Variants in SLCO1B1 observed in about 807,000 individuals in gnomAD.
The protein encoded by SLCO1B1 is OATP-2.
SLCO1B1 carries 81 observed loss-of-function variants against 70.1 expected under a neutral mutation model. The observed-to-expected ratio is 1.16, with a 90% CI of 0.97 to 1.39. SLCO1B1 has a LOEUF of 1.39. Among genes scored for constraint, SLCO1B1 ranks in the 40% most tolerant of loss-of-function variants. The pLI is 0.00. For missense variants in SLCO1B1, 895 were observed against 799.6 expected (o/e 1.12, Z -1.44); for synonymous variants, 283 against 271.5 (o/e 1.04, Z -0.42).
intron 4 of SLCO1B1, among the ~76,000 whole-genome samples, chr12:21,176,520 AC>A (rs1487802423): frequency 1.3e-5 from 2 of 152,088 alleles, no homozygotes; most frequent in African/African-American, 4.8e-5. Flanking sequence ...CCAAGATATA[AC>A]CACTCCTAGG....
In SLCO1B1 at chr12:21,176,824, A is replaced by G. The variant is rs752011897; in HGVS notation, c.408A>G (p.Thr136=). 16 of 1,542,962 alleles carry G rather than the reference A, an allele frequency of 1.0e-5. No homozygotes were observed. The highest frequency in any genetic ancestry group is 6.8e-5 in the African/African-American group (5 of 73,496). The change falls in exon 5 of 15, where the codon ACA becomes ACG. Residue 136 remains threonine (T), a synonymous_variant. Transcript: ENST00000256958. ...ETNINSSENS[T]STLSTCLINQ... ...ATATCAATTCATCAGAAAATTCAAC[A>G]TCGACCTTATCCACTTGTTTAATTA...
intron 2 of SLCO1B1, among the ~76,000 whole-genome samples, chr12:21,160,707 T>C (rs1025726623): frequency 1.3e-5 from 2 of 151,998 alleles, no homozygotes; most frequent in Admixed American, 1.3e-4. Context: ...AAAAAGAAAC[T>C]GTCAACAGCA....
At chr12:21,238,508 T>C (rs1941616813) in intron 14 of SLCO1B1, among the ~76,000 whole-genome samples, 1 of 152,164 alleles carries the variant, frequency 6.6e-6, no homozygotes, top group Non-Finnish European at 1.5e-5. Flanking sequence ...GGCAATTTTT[T>C]TCATTACAGT....
chr12:21,186,126 T>C (rs1303988958), intron 7 of SLCO1B1, among the ~76,000 whole-genome samples: 2 of 152,092 alleles, frequency 1.3e-5, no homozygotes, highest in African/African-American at 4.8e-5. Flanking sequence ...TCTAATTTTA[T>C]TCTAACATAA....
At chr12:21,206,534 C>T (rs1455041514) in intron 11 of SLCO1B1, among the ~76,000 whole-genome samples, 1 of 151,838 alleles carries the variant, frequency 6.6e-6, no homozygotes, top group Non-Finnish European at 1.5e-5. Context: ...TTAATCAAGG[C>T]TTCATGCTCA....
chr12:21,214,806 G>C (rs1438644849), intron 11 of SLCO1B1, among the ~76,000 whole-genome samples: 1 of 152,146 alleles, frequency 6.6e-6, no homozygotes, highest in Non-Finnish European at 1.5e-5. Flanking sequence ...GCAGTATTCG[G>C]GTGGGAGTGA....
intron 11 of SLCO1B1, among the ~76,000 whole-genome samples, 173 bp from the exon 12 acceptor site, chr12:21,216,946 C>G (rs1444666969): frequency 6.6e-6 from 1 of 152,042 alleles, no homozygotes; most frequent in East Asian, 1.9e-4. Context: ...AGAAAGAAAT[C>G]CACAAAACTA....
intron 7 of SLCO1B1, among the ~76,000 whole-genome samples, chr12:21,183,752 T>A (rs1001014890): frequency 6.6e-6 from 1 of 152,168 alleles, no homozygotes; most frequent in Non-Finnish European, 1.5e-5. Context: ...TTAACCACAT[T>A]GGAATGACTA....
chr12:21,159,840 G>C (rs936560261), intron 2 of SLCO1B1, among the ~76,000 whole-genome samples: 1 of 151,790 alleles, frequency 6.6e-6, no homozygotes, highest in African/African-American at 2.4e-5. Context: ...CAGCCAAACC[G>C]AGAGCCAAAT....
chr12:21,221,598 A>G (rs2121187804), intron 12 of SLCO1B1, among the ~76,000 whole-genome samples: 1 of 152,236 alleles, frequency 6.6e-6, no homozygotes, highest in South Asian at 2.1e-4. Flanking sequence ...AATAGGGTAA[A>G]TGATACGACC....
In SLCO1B1 at chr12:21,183,009, C is replaced by T. The variant is rs576932912; in HGVS notation, c.727+3989C>T. On this transcript the variant is annotated intron_variant, in intron 7 of 14. Transcript: ENST00000256958. ...GCAAGTGTGGCACCAGTGACCAGAG[C>T]GGGAGATTGGGGGGGTGTCCCCTAT... 2.2e-4 allele frequency among the ~76,000 whole-genome samples: 33 copies of T among 152,262 alleles called. 1 individual carries two copies. The highest frequency in any genetic ancestry group is 7.5e-4 in the African/African-American group (31 of 41,550).
rs1428329768 is a variant in SLCO1B1, at chr12:21,239,282, C to G, written c.*93C>G. 2 of 895,698 alleles carry G rather than the reference C, an allele frequency of 2.2e-6. No individual in the cohort carries two copies. Among genetic ancestry groups the G allele is most frequent in the Non-Finnish European group, 3.7e-6 (2 of 533,854 alleles). The allele number at this position is 895,698 out of a possible 1,614,324, so 55.5% of individuals were successfully genotyped here. Reference sequence around the variant, plus strand: ...ATTTTTGAGGAGTTCCTGGTCCTTTCACTAAGAATTTCCACATCTTTTATG... The same window carrying G: ...ATTTTTGAGGAGTTCCTGGTCCTTTGACTAAGAATTTCCACATCTTTTATG... On this transcript the variant is annotated 3_prime_UTR_variant, in exon 15 of 15. Coordinates refer to ENST00000256958, the MANE Select transcript of SLCO1B1 (RefSeq NM_006446.5).
chr12:21,148,212 A>G (rs1940413533), intron 2 of SLCO1B1, among the ~76,000 whole-genome samples: 1 of 152,134 alleles, frequency 6.6e-6, no homozygotes, highest in African/African-American at 2.4e-5. Flanking sequence ...TTTTAGTTTA[A>G]TTAGATCCCA....
intron 8 of SLCO1B1, among the ~76,000 whole-genome samples, 189 bp from the exon 9 acceptor site, chr12:21,200,319 C>T (rs942108527): frequency 2.0e-5 from 3 of 151,976 alleles, no homozygotes; most frequent in Non-Finnish European, 2.9e-5. Context: ...TATTAATATT[C>T]GTATGGAAAA....
chr12:21,150,171 T>C (rs537521634), intron 2 of SLCO1B1, among the ~76,000 whole-genome samples: 4 of 152,242 alleles, frequency 2.6e-5, no homozygotes, highest in Non-Finnish European at 4.4e-5. Flanking sequence ...AGGGCATCTC[T>C]TAAAGAAAGG....
At chr12:21,238,422 C>T (rs575251427) in intron 14 of SLCO1B1, among the ~76,000 whole-genome samples, 1 of 151,980 alleles carries the variant, frequency 6.6e-6, no homozygotes, top group East Asian at 1.9e-4. Flanking sequence ...TTCCACGTCC[C>T]GGACATATCT....
In SLCO1B1 at chr12:21,172,733, A is replaced by T. The variant is rs762153831; in HGVS notation, c.168A>T (p.Glu56Asp). 6.2e-7 allele frequency: 1 copy of T among 1,613,542 alleles called. No homozygotes were observed. Among genetic ancestry groups the T allele is most frequent in the Non-Finnish European group, 8.5e-7 (1 of 1,179,640 alleles). The change falls in exon 3 of 15, where the codon GAA becomes GAT. Residue 56 changes from glutamate to aspartate, a missense_variant. Physicochemically the swap from Glu to Asp is conservative, Grantham distance 45 (BLOSUM62 2). Transcript: ENST00000256958. ...IIMKSSIIHIERRFEISSSLV... is the reference protein window; with the variant it reads ...IIMKSSIIHIDRRFEISSSLV... ...TGAAAAGTTCCATCATTCATATAGA[A>T]CGGAGATTTGAGATATCCTCTTCTC...
intron 11 of SLCO1B1, among the ~76,000 whole-genome samples, chr12:21,211,214 T>C (rs1247391050): frequency 6.6e-6 from 1 of 152,214 alleles, no homozygotes; most frequent in African/African-American, 2.4e-5. Context: ...AGATAGCTCT[T>C]ATTATTTTGA....
chr12:21,211,814 A>T (rs574395392), intron 11 of SLCO1B1, among the ~76,000 whole-genome samples: 14 of 152,226 alleles, frequency 9.2e-5, no homozygotes, highest in Admixed American at 9.2e-4. Context: ...CAAGGAATTT[A>T]TCCATTTCTT....
Sources: gnomAD v4.1 joint callset for allele counts (sites outside exome capture counted in the v4.1 genomes callset) on GRCh38, gnomAD v4.1.1 for gene constraint, MANE v1.5 for transcripts, NCBI Gene and HGNC (gene_info 2026-07-23, HGNC 2026-07-21) for gene names.